The following FRYL variants were observed in gnomAD, a reference collection of about 807,000 sequenced individuals.
FRYL encodes the protein protein furry homolog-like.
FRYL carries 150 observed loss-of-function variants against 351.2 expected under a neutral mutation model. That is an observed-to-expected ratio of 0.43 (90% confidence interval 0.37 to 0.49). The LOEUF (loss-of-function observed/expected upper bound fraction) is 0.49. Among genes scored for constraint, FRYL ranks in the 20% least tolerant of loss-of-function variants. FRYL has a pLI of 0.00. For synonymous variants in FRYL, 1,153 were observed against 1,257.1 expected, an observed-to-expected ratio of 0.92 and a Z score of 1.75; for missense variants, 3,036 against 3,619.3, an observed-to-expected ratio of 0.84 and a Z score of 4.13.
intron 1 of FRYL, among the ~76,000 whole-genome samples, chr4:48,767,267 T>C (rs765630226): frequency 1.3e-5 from 2 of 152,010 alleles, no homozygotes; most frequent in Non-Finnish European, 2.9e-5. Context: ...GGAAGGGGGA[T>C]GTGCTACACA....
chr4:48,571,629 C>T (rs944236126), intron 26 of FRYL: 2 of 984,566 alleles, frequency 2.0e-6, no homozygotes, highest in African/African-American at 3.5e-5. Flanking sequence ...TTGTCCATGA[C>T]CCAATTTTTC....
intron 4 of FRYL, among the ~76,000 whole-genome samples, chr4:48,626,195 G>C (rs1217839325): frequency 3.3e-5 from 5 of 151,976 alleles, no homozygotes; most frequent in African/African-American, 7.2e-5. Flanking sequence ...GGAGAAGTGA[G>C]GTGGTTTAAT....
intron 7 of FRYL, among the ~76,000 whole-genome samples, chr4:48,613,479 C>T (rs1748665038): frequency 6.6e-6 from 1 of 152,186 alleles, no homozygotes; most frequent in East Asian, 1.9e-4. Flanking sequence ...CAACACTCAG[C>T]CATGCTATGT....
intron 50 of FRYL, among the ~76,000 whole-genome samples, chr4:48,530,462 T>G (rs1289234165): frequency 6.6e-6 from 1 of 152,106 alleles, no homozygotes; most frequent in African/African-American, 2.4e-5. Flanking sequence ...GTGGCTAGAG[T>G]GATCCTCCTA....
rs1359277540 is a variant in FRYL at position 48,605,830 on chromosome 4, A to G, written c.745T>C (p.Cys249Arg). The change falls in exon 11 of 64, where the codon TGT (cysteine) becomes CGT (arginine). Residue 249 changes from cysteine to arginine, a missense_variant. This residue lies in a region of FRYL where 457 missense variants were observed against 566.6 expected (regional missense o/e 0.81). Transcript: ENST00000358350. ...TTCACTTCTAAGAAATACTGAGCACATTCCTTAAAGGGAAAGAGGTATATA... is the reference window on the plus strand; with the variant it reads ...TTCACTTCTAAGAAATACTGAGCACGTTCCTTAAAGGGAAAGAGGTATATA... ...FEASFQFMQE[C>R]AQYFLEVKDK... The G allele has an allele frequency of 6.4e-7, 1 of 1,569,366 alleles. No individual in the cohort carries two copies. The highest frequency in any genetic ancestry group is 1.7e-5 in the Admixed American group (1 of 58,610).
At chr4:48,533,264 TAA>T (rs1282663901) in intron 49 of FRYL, among the ~76,000 whole-genome samples, 2 of 152,048 alleles carry the variant, frequency 1.3e-5, no homozygotes, top group African/African-American at 2.4e-5. Context: ...AAATATTTTA[TAA>T]GTTTTTTTTT....
chr4:48,767,883 C>T lies in FRYL; in HGVS notation c.-384+12195G>A, dbSNP rs572216914. Among the ~76,000 whole-genome samples the T allele has an allele frequency of 3.8e-4, 58 of 152,238 alleles. 1 individual carries two copies. The South Asian group carries it at 9.8e-3, about 26-fold the overall frequency. ...TCTGTAGAGTATCCAGAGGCAAGGA[C>T]GCCAACAGCACAAGCTCTAGATTCC... On this transcript the variant is annotated intron_variant, in intron 1 of 63. Coordinates refer to ENST00000358350, the MANE Select transcript of FRYL (RefSeq NM_015030.2).
intron 4 of FRYL, among the ~76,000 whole-genome samples, chr4:48,626,108 C>A (rs867172192): frequency 2.6e-5 from 4 of 151,946 alleles, no homozygotes; most frequent in South Asian, 2.1e-4. Flanking sequence ...AATATAGCCA[C>A]GAAAGTTATG....
At chr4:48,714,047 G>A (rs1356617703) in intron 1 of FRYL, among the ~76,000 whole-genome samples, 1 of 151,836 alleles carries the variant, frequency 6.6e-6, no homozygotes, top group African/African-American at 2.4e-5. Flanking sequence ...AATGAAGGCA[G>A]AAATAAAGAT....
intron 60 of FRYL, among the ~76,000 whole-genome samples, chr4:48,503,935 A>G (rs1366754365): frequency 6.6e-6 from 1 of 152,146 alleles, no homozygotes; most frequent in Non-Finnish European, 1.5e-5. Flanking sequence ...TTCTATTAGC[A>G]CAAATAAAGT....
At chr4:48,512,710 AT>A in intron 56 of FRYL, 22 bp from the exon 57 acceptor site, 2 of 1,537,116 alleles carry the variant, frequency 1.3e-6, no homozygotes, top group Admixed American at 1.7e-5. Context: ...GATATCATAA[AT>A]ATCATAACAC....
At chr4:48,580,164 G>T (rs969505888) in intron 22 of FRYL, among the ~76,000 whole-genome samples, 1 of 151,916 alleles carries the variant, frequency 6.6e-6, no homozygotes, top group African/African-American at 2.4e-5. Flanking sequence ...TAAGAATCAG[G>T]TGTTATGCCG....
At chr4:48,688,760 T>A (rs1765407454) in intron 2 of FRYL, among the ~76,000 whole-genome samples, 1 of 149,414 alleles carries the variant, frequency 6.7e-6, no homozygotes, top group African/African-American at 2.5e-5. Flanking sequence ...CCTCCCATAT[T>A]CAAGTGATTC....
chr4:48,589,817 T>C lies in FRYL; in HGVS notation c.1568A>G (p.Asp523Gly). The change falls in exon 18 of 64, where the codon GAC becomes GGC. Residue 523 changes from aspartate to glycine, a missense_variant. This residue lies in a region of FRYL where 78 missense variants were observed against 106.6 expected (regional missense o/e 0.73). Transcript: ENST00000358350. ...ACACATTGGTCTCCCAACTTCTTTGTCCAAATGTCTGAGGATGCTATCTAA... is the reference window on the plus strand; with the variant it reads ...ACACATTGGTCTCCCAACTTCTTTGCCCAAATGTCTGAGGATGCTATCTAA... ...KALDSILRHL[D>G]KEVGRPMCMT... 6.2e-7 allele frequency: 1 copy of C among 1,613,778 alleles called. No homozygotes were observed. Among genetic ancestry groups the C allele is most frequent in the Non-Finnish European group, 8.5e-7 (1 of 1,179,696 alleles).
chr4:48,611,117 G>A (rs1156986536), intron 7 of FRYL, among the ~76,000 whole-genome samples: 1 of 151,744 alleles, frequency 6.6e-6, no homozygotes, highest in Non-Finnish European at 1.5e-5. Flanking sequence ...CAGGACCCCC[G>A]TGATACCAAA....
intron 23 of FRYL, among the ~76,000 whole-genome samples, 193 bp from the exon 24 acceptor site, chr4:48,576,415 C>T (rs1429576680): frequency 1.3e-5 from 2 of 151,856 alleles, no homozygotes; most frequent in Non-Finnish European, 2.9e-5. Flanking sequence ...AGTGATCCTC[C>T]CACCTCAGCC....
At chr4:48,668,126 G>T (rs185528481) in intron 3 of FRYL, among the ~76,000 whole-genome samples, 1 of 151,970 alleles carries the variant, frequency 6.6e-6, no homozygotes, top group South Asian at 2.1e-4. Context: ...ACATTCACTC[G>T]CATATCATCT....
At chr4:48,569,552 C>A (rs1448326493) in intron 27 of FRYL, among the ~76,000 whole-genome samples, 2 of 152,222 alleles carry the variant, frequency 1.3e-5, no homozygotes, top group Non-Finnish European at 2.9e-5. Flanking sequence ...CCCTCCTTGG[C>A]CTCCCAAAGT....
At chr4:48,661,849 A>C (rs570879803) in intron 3 of FRYL, among the ~76,000 whole-genome samples, 1 of 152,330 alleles carries the variant, frequency 6.6e-6, no homozygotes, top group Non-Finnish European at 1.5e-5. Flanking sequence ...TGTAAAGGAA[A>C]AAATAAATAC....
Sources: allele counts gnomAD v4.1 joint callset (sites outside exome capture counted in the v4.1 genomes callset), GRCh38; gene constraint gnomAD v4.1.1; regional missense constraint gnomAD v4.1.1; transcripts MANE v1.5; gene names NCBI Gene and HGNC (gene_info 2026-07-23, HGNC 2026-07-21).